ARGFX: variants seen among roughly 807,000 people sequenced by gnomAD.
The protein encoded by ARGFX is arginine-fifty homeobox.
In ARGFX, 10 loss-of-function variants were observed where a neutral mutation model predicts 8.0. The ratio of observed to expected loss-of-function variants is 1.25; its 90% confidence interval spans 0.77 to 2.12. The LOEUF (loss-of-function observed/expected upper bound fraction) is 2.12. ARGFX is among the 30% of genes most tolerant of loss of function. The pLI is 0.00. For missense variants in ARGFX, 282 were observed against 324.3 expected (o/e 0.87, Z 1.00); for synonymous variants, 116 against 117.8 (o/e 0.98, Z 0.10).
At chr3:121,576,120 T>C (rs2108835711) in intron 2 of ARGFX, among the ~76,000 whole-genome samples, 1 of 152,126 alleles carries the variant, frequency 6.6e-6, no homozygotes, top group African/African-American at 2.4e-5. Flanking sequence ...CTTTTTTTTT[T>C]CCTTTTTGTG....
chr3:121,585,631 T>C (rs536387320), intron 4 of ARGFX, among the ~76,000 whole-genome samples: 66 of 152,218 alleles, frequency 4.3e-4, no homozygotes, highest in Non-Finnish European at 7.6e-4. Context: ...TGAGCCACCG[T>C]GACTGGCCAT....
At chr3:121,569,940 C>T (rs546237674) in intron 1 of ARGFX, among the ~76,000 whole-genome samples, 1 of 152,140 alleles carries the variant, frequency 6.6e-6, no homozygotes, top group Non-Finnish European at 1.5e-5. Flanking sequence ...AGCACCTTAA[C>T]CATATATATT....
At chr3:121,568,155 G>A (rs1010807407) in intron 1 of ARGFX, among the ~76,000 whole-genome samples, 142 bp downstream of exon 1, 1 of 152,078 alleles carries the variant, frequency 6.6e-6, no homozygotes, top group Non-Finnish European at 1.5e-5. Context: ...TAGATGGTTG[G>A]GGACAGAAGG....
chr3:121,585,120 C>T, intron 4 of ARGFX, 55 bp downstream of exon 4: 1 of 1,586,502 alleles, frequency 6.3e-7, no homozygotes, highest in Non-Finnish European at 8.6e-7. Context: ...TTCACCTATC[C>T]AGCCTGGAAA....
rs1275533133 is a variant in ARGFX at position 121,572,234 on chromosome 3, TTG to T, written c.103+1420_103+1421del. On this transcript the variant is annotated intron_variant, in intron 2 of 4. Coordinates refer to ENST00000334384, the MANE Select transcript of ARGFX (RefSeq NM_001012659.2). ...AGCTTTAATATTTTTATTATTATTG[TTG>T]TTTTTTTTTTTTTTTTTTTTTAAAG... Among the ~76,000 whole-genome samples the T allele has an allele frequency of 5.0e-3, 444 of 89,442 alleles. 5 individuals are homozygous for T. Among genetic ancestry groups the T allele is most frequent in the African/African-American group, 0.016 (407 of 25,236 alleles). 58.7% of individuals were successfully genotyped at this position (89,442 alleles called of 152,430 possible). A position where few individuals can be genotyped will look rare whatever the true frequency, so the allele number is the denominator to read the frequency against.
rs147748191 is a variant in ARGFX, at chr3:121,587,539, A to G, written c.*939A>G. On this transcript the variant is annotated 3_prime_UTR_variant, in exon 5 of 5. Transcript: ENST00000334384. ...TTTCAAGGAAACCGAAGAAACCATC[A>G]TCCACTTTTCTCTCTGTATCATTCT... Among the ~76,000 whole-genome samples, 4 of 152,258 alleles carry G rather than the reference A, an allele frequency of 2.6e-5. No homozygotes were observed. The highest frequency in any genetic ancestry group is 9.6e-5 in the African/African-American group (4 of 41,560).
intron 2 of ARGFX, among the ~76,000 whole-genome samples, chr3:121,576,335 A>G (rs2048736052): frequency 6.6e-6 from 1 of 151,216 alleles, no homozygotes; most frequent in African/African-American, 2.5e-5. Context: ...TCCAAACTCA[A>G]TTTATTTATT....
At chr3:121,581,796 G>T (rs151311215) in intron 3 of ARGFX, among the ~76,000 whole-genome samples, 3 of 152,064 alleles carry the variant, frequency 2.0e-5, no homozygotes, top group African/African-American at 7.2e-5. Context: ...CCAGCTACTC[G>T]GGAGGCTGAG....
chr3:121,578,127 T>G (rs993920324), intron 3 of ARGFX, among the ~76,000 whole-genome samples: 10 of 98,196 alleles, frequency 1.0e-4, no homozygotes, highest in Non-Finnish European at 1.9e-4. Context: ...CCACTTTTTT[T>G]TTTTTTTTTT....
chr3:121,569,241 A>G (rs926455393), intron 1 of ARGFX, among the ~76,000 whole-genome samples: 1 of 152,216 alleles, frequency 6.6e-6, no homozygotes, highest in Non-Finnish European at 1.5e-5. Flanking sequence ...GACCTCATAC[A>G]GATATGATGC....
At chr3:121,577,248 TATATATATA>T (rs1312489705) in intron 3 of ARGFX, among the ~76,000 whole-genome samples, 1 of 54,064 alleles carries the variant, frequency 1.8e-5, no homozygotes, top group African/African-American at 7.2e-5. Context: ...TATATATATA[TATATATATA>T]TATTTTTTTT....
In ARGFX at chr3:121,577,796, T is replaced by C. The variant is rs540975542; in HGVS notation, c.220+896T>C. ...CTATTATAAAGTAGGTATTCATTTT[T>C]GTGTGTGTGGCAAGGTCTCATTCTG... On this transcript the variant is annotated intron_variant, in intron 3 of 4. Coordinates refer to ENST00000334384, the MANE Select transcript of ARGFX (RefSeq NM_001012659.2). 8.5e-5 allele frequency among the ~76,000 whole-genome samples: 13 copies of C among 152,258 alleles called. No individual in the cohort carries two copies. The East Asian group carries it at 2.5e-3, about 29-fold the overall frequency.
Position 121,585,054 on chromosome 3 carries a change from T to G in ARGFX, c.358T>G (p.Ser120Ala). ...KLALRLDLPESTVKVWFRNRR... is the reference protein window; with the variant it reads ...KLALRLDLPEATVKVWFRNRR... ...AGCTTTGAGACTCGACCTACCGGAG[T>G]CAACAGTAAAGGTCTGATCCCCTGT... The change falls in exon 4 of 5, where the codon TCA becomes GCA. Residue 120 changes from serine to alanine, a missense_variant. Coordinates refer to ENST00000334384, the MANE Select transcript of ARGFX (RefSeq NM_001012659.2). The G allele has an allele frequency of 6.2e-7, 1 of 1,613,478 alleles. No homozygotes were observed. The highest frequency in any genetic ancestry group is 8.5e-7 in the Non-Finnish European group (1 of 1,179,886).
chr3:121,586,129 C>T lies in ARGFX; in HGVS notation c.477C>T (p.Pro159=), dbSNP rs142123906. 3.7e-5 allele frequency: 59 copies of T among 1,613,624 alleles called. No individual in the cohort carries two copies. The African/African-American group carries it at 7.1e-4, about 19-fold the overall frequency. ...LPSKKNVPTS[P]RTSPSPYAFS... ...CCAAGAAGAATGTGCCCACCTCCCCCAGAACATCCCCCAGTCCTTATGCTT... is the reference window on the plus strand; with the variant it reads ...CCAAGAAGAATGTGCCCACCTCCCCTAGAACATCCCCCAGTCCTTATGCTT... The change falls in exon 5 of 5, where the codon CCC becomes CCT. Residue 159 remains proline, a synonymous_variant. Coordinates refer to ENST00000334384, the MANE Select transcript of ARGFX (RefSeq NM_001012659.2).
Position 121,587,050 on chromosome 3 carries a change from T to C in ARGFX, c.*450T>C, listed in dbSNP as rs1157651888. On this transcript the variant is annotated 3_prime_UTR_variant, in exon 5 of 5. Coordinates refer to ENST00000334384, the MANE Select transcript of ARGFX (RefSeq NM_001012659.2). ...GACTACAGATGCTCGCCACCACACC[T>C]GGCTAATTTTTTTTTTTTGAGACTG... Among the ~76,000 whole-genome samples, 3 of 151,832 alleles carry C rather than the reference T, an allele frequency of 2.0e-5. No individual in the cohort carries two copies. The highest frequency in any genetic ancestry group is 4.8e-5 in the African/African-American group (2 of 41,350).
In ARGFX at chr3:121,576,706, TTTTTCTTTC is replaced by T. The variant is rs756829688; in HGVS notation, c.104-74_104-66del. ...CTTTTTCTTTCTTTCTCTTTCTTTC[TTTTTCTTTC>T]TTTCTTTCTTTCTTTCTTTCTTTCT... On this transcript the variant is annotated intron_variant, in intron 2 of 4. Coordinates refer to ENST00000334384, the MANE Select transcript of ARGFX (RefSeq NM_001012659.2). 1,775 of 179,856 alleles carry T rather than the reference TTTTTCTTTC, an allele frequency of 9.9e-3. 28 individuals are homozygous for T. The highest frequency in any genetic ancestry group is 0.019 in the East Asian group (37 of 1,960). 11.1% of individuals were successfully genotyped at this position (179,856 alleles called of 1,614,324 possible).
At chr3:121,584,293 AAAGC>A (rs1192679500) in intron 3 of ARGFX, among the ~76,000 whole-genome samples, 4 of 152,216 alleles carry the variant, frequency 2.6e-5, no homozygotes, top group East Asian at 1.9e-4. Flanking sequence ...AAAGCAAAGC[AAAGC>A]AAAGAAAAGA....
chr3:121,585,352 A>C (rs2048804648), intron 4 of ARGFX, among the ~76,000 whole-genome samples: 1 of 152,164 alleles, frequency 6.6e-6, no homozygotes, highest in East Asian at 1.9e-4. Flanking sequence ...CTTGTACTAT[A>C]GAGTTCAAAT....
At chr3:121,570,953 A>G (rs972182548) in intron 2 of ARGFX, 137 bp downstream of exon 2, 2 of 574,566 alleles carry the variant, frequency 3.5e-6, no homozygotes, top group Non-Finnish European at 5.8e-6. Flanking sequence ...TTCCCATCAT[A>G]AAAGGAGAAA....
Sources: gnomAD v4.1 joint callset for allele counts (sites outside exome capture counted in the v4.1 genomes callset) on GRCh38, gnomAD v4.1.1 for gene constraint, MANE v1.5 for transcripts, NCBI Gene and HGNC (gene_info 2026-07-23, HGNC 2026-07-21) for gene names.